Variants in PLCG2 observed in about 807,000 individuals in gnomAD.
PLCG2 encodes the protein 1-phosphatidylinositol 4,5-bisphosphate phosphodiesterase gamma-2.
Under a neutral mutation model 175.6 loss-of-function variants are expected in PLCG2, and 69 were observed. The observed-to-expected ratio is 0.39, with a 90% CI of 0.32 to 0.48. PLCG2 has a LOEUF of 0.48. Among genes scored for constraint, PLCG2 ranks in the 20% least tolerant of loss-of-function variants. The pLI, the probability that PLCG2 is intolerant of heterozygous loss-of-function variation, is 0.91. For synonymous variants in PLCG2, 827 were observed against 624.0 expected, an observed-to-expected ratio of 1.33 and a Z score of -4.85; for missense variants, 1,798 against 1,650.9, an observed-to-expected ratio of 1.09 and a Z score of -1.54.
intron 9 of PLCG2, among the ~76,000 whole-genome samples, chr16:81,885,918 C>T (rs1004467131): frequency 6.6e-6 from 1 of 152,090 alleles, no homozygotes; most frequent in Non-Finnish European, 1.5e-5. Flanking sequence ...GCTTATTTGC[C>T]CAACCTGAGA....
At chr16:81,893,899 C>A in intron 12 of PLCG2, 105 bp downstream of exon 12, 4 of 668,918 alleles carry the variant, frequency 6.0e-6, no homozygotes, top group Non-Finnish European at 8.0e-6. Context: ...TTAATGGACA[C>A]ATAATAACTG....
chr16:81,928,754 A>T (rs868275742), intron 24 of PLCG2, 130 bp downstream of exon 24: 12 of 691,798 alleles, frequency 1.7e-5, no homozygotes, highest in Middle Eastern at 2.5e-4. Context: ...CCCTGGCTGA[A>T]GCTGAGTATT....
intron 23 of PLCG2, among the ~76,000 whole-genome samples, chr16:81,928,173 A>G (rs760098616): frequency 8.5e-5 from 13 of 152,112 alleles, no homozygotes; most frequent in Non-Finnish European, 1.8e-4. Context: ...CTTCCACAGG[A>G]CATGGGGAGC....
intron 28 of PLCG2, chr16:81,938,525 C>T: frequency 2.1e-6 from 1 of 469,566 alleles, no homozygotes; most frequent in Non-Finnish European, 3.8e-6. Flanking sequence ...CCTGCTTGGG[C>T]ATGGATGTGT....
intron 2 of PLCG2, among the ~76,000 whole-genome samples, chr16:81,826,896 G>C (rs987257630): frequency 1.3e-5 from 2 of 152,134 alleles, no homozygotes; most frequent in Non-Finnish European, 2.9e-5. Context: ...ATCCATTTGA[G>C]GTCTTGGTTT....
chr16:81,919,361 C>T (rs1007428749), intron 19 of PLCG2, 123 bp from the exon 20 acceptor site: 1 of 696,682 alleles, frequency 1.4e-6, no homozygotes, highest in Non-Finnish European at 2.6e-6. Context: ...GGACTATACC[C>T]TGTTTATTTA....
intron 11 of PLCG2, among the ~76,000 whole-genome samples, chr16:81,892,651 T>G (rs1195805864): frequency 1.5e-5 from 2 of 129,764 alleles, no homozygotes; most frequent in Non-Finnish European, 3.4e-5. Context: ...AAATACAAAC[T>G]TAAAAAAAAA....
At position 81,931,583 on chromosome 16, in the gene PLCG2, A is replaced by G; in HGVS notation, c.2668A>G (p.Thr890Ala). The G allele has an allele frequency of 6.2e-7, 1 of 1,614,112 alleles. No homozygotes were observed. The highest frequency in any genetic ancestry group is 8.5e-7 in the Non-Finnish European group (1 of 1,180,012). Residue 890 changes from threonine to alanine, a missense_variant, in exon 25 of 33, where the codon ACA becomes GCA. Transcript: ENST00000564138. Reference sequence around the variant, plus strand: ...GGGCGATCCTCCGGTGGAGTTTGCCACAGACAGGGTGGAGGAGCTCTTTGA... The same window carrying G: ...GGGCGATCCTCCGGTGGAGTTTGCCGCAGACAGGGTGGAGGAGCTCTTTGA... ...QQGDPPVEFA[T>A]DRVEELFEWF... is the part of the protein sequence containing the mutation.
chr16:81,791,681 C>T (rs555518235), intron 2 of PLCG2, among the ~76,000 whole-genome samples: 23 of 152,234 alleles, frequency 1.5e-4, no homozygotes, highest in Non-Finnish European at 2.2e-4. Context: ...TCTCCCACCT[C>T]AGCCCCCCGA....
chr16:81,944,199 A>C (rs1180281347), intron 30 of PLCG2, among the ~76,000 whole-genome samples: 1 of 152,228 alleles, frequency 6.6e-6, no homozygotes, highest in Non-Finnish European at 1.5e-5. Context: ...TGAATTGTAT[A>C]CATAAATAAG....
At chr16:81,749,492 A>T (rs931971631) in intron 1 of PLCG2, among the ~76,000 whole-genome samples, 1 of 152,064 alleles carries the variant, frequency 6.6e-6, no homozygotes, top group Non-Finnish European at 1.5e-5. Context: ...AGCTGGGATT[A>T]CAGGCGCCTG....
intron 10 of PLCG2, among the ~76,000 whole-genome samples, chr16:81,889,849 T>C (rs1464265262): frequency 2.0e-5 from 3 of 152,062 alleles, no homozygotes; most frequent in Non-Finnish European, 4.4e-5. Flanking sequence ...GTAGACAGGG[T>C]TTCACTATGT....
At chr16:81,953,853 A>T (rs10514520) in intron 31 of PLCG2, among the ~76,000 whole-genome samples, 28,560 of 152,190 alleles carry the variant, frequency 0.19, 3,492 homozygotes, top group East Asian at 0.4. Flanking sequence ...GAAAGGTGAT[A>T]AAGGGTTGCA....
intron 10 of PLCG2, 117 bp downstream of exon 10, chr16:81,889,390 C>G: frequency 1.6e-6 from 1 of 638,004 alleles, no homozygotes; most frequent in Admixed American, 2.7e-5. Context: ...GATGTTGCCT[C>G]GACTGACTGG....
At chr16:81,836,078 A>G (rs568804182) in intron 2 of PLCG2, among the ~76,000 whole-genome samples, 1 of 152,318 alleles carries the variant, frequency 6.6e-6, no homozygotes, top group East Asian at 1.9e-4. Flanking sequence ...TTCAACCCCC[A>G]ACATTACCCG....
chr16:81,890,698 C>T (rs1387478264), intron 10 of PLCG2, among the ~76,000 whole-genome samples: 2 of 152,106 alleles, frequency 1.3e-5, no homozygotes, highest in Non-Finnish European at 2.9e-5. Flanking sequence ...CATATGAGGT[C>T]GTTCTCACGC....
chr16:81,802,526 C>A (rs1369657108), intron 2 of PLCG2, among the ~76,000 whole-genome samples: 3 of 152,090 alleles, frequency 2.0e-5, no homozygotes, highest in Admixed American at 6.6e-5. Flanking sequence ...CTTGACCTAC[C>A]ACCTTCTCTT....
intron 2 of PLCG2, among the ~76,000 whole-genome samples, chr16:81,840,674 A>AGGTG (rs1905774388): frequency 6.6e-6 from 1 of 152,150 alleles, no homozygotes; most frequent in Admixed American, 6.5e-5. Flanking sequence ...ATCTGACAGG[A>AGGTG]GGTGGAGCTC....
chr16:81,951,377 G>A (rs1009071363), intron 31 of PLCG2, among the ~76,000 whole-genome samples: 4 of 152,182 alleles, frequency 2.6e-5, no homozygotes, highest in African/African-American at 9.7e-5. Context: ...TACAGCAAAT[G>A]GATGATTACC....
Sources: gnomAD v4.1 joint callset for allele counts (sites outside exome capture counted in the v4.1 genomes callset) on GRCh38, gnomAD v4.1.1 for gene constraint, MANE v1.5 for transcripts, NCBI Gene and HGNC (gene_info 2026-07-23, HGNC 2026-07-21) for gene names.